The following DISC1 variants were observed in gnomAD, a reference collection of about 807,000 sequenced individuals.
DISC1 encodes the protein DISC1 scaffold protein, also known as disrupted in schizophrenia 1 protein.
A neutral mutation model predicts 84.5 loss-of-function variants in DISC1; 57 were observed. That is an observed-to-expected ratio of 0.67 (90% CI 0.55 to 0.84). The LOEUF (loss-of-function observed/expected upper bound fraction) is 0.84, where lower values mean the gene tolerates loss of function less well. Ranked by LOEUF, DISC1 falls within the 40% of genes least tolerant of loss-of-function variation. The probability of loss-of-function intolerance (pLI) is 0.00; values close to 1 mark genes in which losing one functional copy is unlikely to be tolerated. For missense variants in DISC1, 1,000 were observed against 1,057.8 expected (o/e 0.95, Z 0.76); for synonymous variants, 411 against 415.2 (o/e 0.99, Z 0.12).
chr1:231,827,454 A>G (rs1237413358), intron 9 of DISC1, among the ~76,000 whole-genome samples: 1 of 152,144 alleles, frequency 6.6e-6, no homozygotes, highest in Non-Finnish European at 1.5e-5. Context: ...TTGGTAAGAA[A>G]TATTTTGTTT....
Position 231,680,167 on chromosome 1 carries a change from G to A in DISC1, c.68-13659G>A, listed in dbSNP as rs561460441. Among the ~76,000 whole-genome samples, 10 of 152,336 alleles carry A rather than the reference G, an allele frequency of 6.6e-5. No homozygotes were observed. In the East Asian group the frequency reaches 1.9e-3, roughly 29 times the overall value. ...TGCTTGAACACAGGGGGCGGAGGCT[G>A]TAGTGAGCCGAGATCGTGCCACTGC... On this transcript the variant is annotated intron_variant, in intron 1 of 12. Transcript: ENST00000439617.
At chr1:231,669,610 A>T (rs1175688950) in intron 1 of DISC1, among the ~76,000 whole-genome samples, 1 of 152,236 alleles carries the variant, frequency 6.6e-6, no homozygotes, top group Non-Finnish European at 1.5e-5. Flanking sequence ...GCAGACAACA[A>T]TCATATGAAA....
chr1:231,711,261 T>TAA (rs2067788869), intron 3 of DISC1, among the ~76,000 whole-genome samples: 1 of 151,266 alleles, frequency 6.6e-6, no homozygotes, highest in Admixed American at 6.6e-5. Context: ...CTAGTTGGAA[T>TAA]AAAACATAAA....
At position 231,763,705 on chromosome 1, in the gene DISC1, C is replaced by T. The variant is rs544563650; in HGVS notation, c.1269-3435C>T. ...ACTCAGCAAGGGGGAAGAGTCTCCC[C>T]CAGCTTTAAAGTCTACCATCATTGG... On this transcript the variant is annotated intron_variant, in intron 4 of 12. Coordinates refer to ENST00000439617, the MANE Select transcript of DISC1 (RefSeq NM_018662.3). 1.4e-4 allele frequency among the ~76,000 whole-genome samples: 21 copies of T among 152,298 alleles called. No homozygotes were observed. The East Asian group carries it at 4.1e-3, about 29-fold the overall frequency.
chr1:231,725,024 G>A (rs1468225034), intron 3 of DISC1, among the ~76,000 whole-genome samples: 1 of 152,098 alleles, frequency 6.6e-6, no homozygotes, highest in Non-Finnish European at 1.5e-5. Flanking sequence ...TCTGTTTCCA[G>A]GATCAGTGAG....
chr1:231,777,021 T>C (rs1477114174), intron 6 of DISC1, among the ~76,000 whole-genome samples: 2 of 152,184 alleles, frequency 1.3e-5, no homozygotes, highest in Non-Finnish European at 2.9e-5. Flanking sequence ...AAGCTGCTTT[T>C]CCATTCGTGA....
intron 11 of DISC1, among the ~76,000 whole-genome samples, chr1:232,012,377 C>T (rs1184250339): frequency 6.6e-6 from 1 of 152,168 alleles, no homozygotes; most frequent in Non-Finnish European, 1.5e-5. Context: ...GGATTTTAGA[C>T]TACAGAAGGT....
At chr1:231,762,281 T>TTTC (rs2075797753) in intron 4 of DISC1, among the ~76,000 whole-genome samples, 4 of 127,156 alleles carry the variant, frequency 3.1e-5, no homozygotes, top group African/African-American at 1.2e-4. Flanking sequence ...CCTTTCCTTT[T>TTTC]CTTTTCTTTT....
At chr1:231,801,411 G>C (rs2079242852) in intron 8 of DISC1, among the ~76,000 whole-genome samples, 1 of 152,200 alleles carries the variant, frequency 6.6e-6, no homozygotes, top group Admixed American at 6.5e-5. Context: ...TATAATTCAG[G>C]CAGCAGAGAT....
At chr1:231,888,112 C>G (rs552672780) in intron 9 of DISC1, among the ~76,000 whole-genome samples, 1 of 152,274 alleles carries the variant, frequency 6.6e-6, no homozygotes, top group Admixed American at 6.5e-5. Context: ...AAGGATAAAT[C>G]CATGATGGGA....
chr1:231,858,399 A>G (rs1402409032), intron 9 of DISC1, among the ~76,000 whole-genome samples: 1 of 152,198 alleles, frequency 6.6e-6, no homozygotes, highest in Non-Finnish European at 1.5e-5. Context: ...TTCCATGTGG[A>G]TAAAACCAGT....
At chr1:231,711,361 T>C (rs12354376) in intron 3 of DISC1, among the ~76,000 whole-genome samples, 204 of 146,490 alleles carry the variant, frequency 1.4e-3, no homozygotes, top group African/African-American at 4.3e-3. Context: ...ATATTTCTTT[T>C]TTTTTTTTTT....
Position 232,031,278 on chromosome 1 carries a change from AAG to A in DISC1, c.2425+4728_2425+4729del, listed in dbSNP as rs905366173. Among the ~76,000 whole-genome samples the A allele has an allele frequency of 2.7e-4, 40 of 146,294 alleles. No individual in the cohort carries two copies. Among genetic ancestry groups the A allele is most frequent in the African/African-American group, 9.6e-4 (38 of 39,554 alleles). Reference sequence around the variant, plus strand: ...GGAGAAAGAAAGATAAAGAAAGAAAAAGAAAGAAAAGAGGAAGGAAGGAAGGA... The same window carrying A: ...GGAGAAAGAAAGATAAAGAAAGAAAAAAAGAAAAGAGGAAGGAAGGAAGGA... On this transcript the variant is annotated intron_variant, in intron 12 of 12. Transcript: ENST00000439617. This position sits in a 1 kb window ranked among gnomAD's most constrained non-coding sequence, Gnocchi z 4.6.
At chr1:231,967,030 G>C (rs1661211903) in intron 10 of DISC1, among the ~76,000 whole-genome samples, 1 of 152,228 alleles carries the variant, frequency 6.6e-6, no homozygotes, top group Non-Finnish European at 1.5e-5. Context: ...TTGAAATTTA[G>C]AGATTGATGT....
chr1:231,692,650 A>C (rs187451228), intron 1 of DISC1, among the ~76,000 whole-genome samples: 1 of 152,370 alleles, frequency 6.6e-6, no homozygotes, highest in Non-Finnish European at 1.5e-5. Context: ...GTATGATTAC[A>C]GCTGTGCCTA....
chr1:231,782,258 C>T (rs1421178109), intron 6 of DISC1, among the ~76,000 whole-genome samples: 17 of 152,182 alleles, frequency 1.1e-4, no homozygotes, highest in Non-Finnish European at 1.5e-5. Context: ...TTTTTTCCTA[C>T]TGTTAATTCA....
At position 231,897,070 on chromosome 1, in the gene DISC1, G is replaced by A. The variant is rs571557024; in HGVS notation, c.1982-61758G>A. ...CAACACCACAGCAGGAGTGAAGAAGGAGCTGGAAGGGGAAGGTGGGGATTC... is the reference window on the plus strand; with the variant it reads ...CAACACCACAGCAGGAGTGAAGAAGAAGCTGGAAGGGGAAGGTGGGGATTC... On this transcript the variant is annotated intron_variant, in intron 9 of 12. Transcript: ENST00000439617. The surrounding 1 kb of genome is among the most constrained non-coding windows in gnomAD (Gnocchi z 4.5). Among the ~76,000 whole-genome samples the A allele has an allele frequency of 6.6e-6, 1 of 152,338 alleles. No individual in the cohort carries two copies. The highest frequency in any genetic ancestry group is 2.1e-4 in the South Asian group (1 of 4,816).
chr1:231,666,309 G>GA lies in DISC1; in HGVS notation c.68-27497dup, dbSNP rs751745733. The stretch of plus-strand genomic sequence containing the variant: ...TTGTGTCATGTAGCTTTTGTCTCAG[G>GA]AAAAAAAAAAAAAAAAAAAAGCACA... On this transcript the variant is annotated intron_variant, in intron 1 of 12. Transcript: ENST00000439617. 4.4e-3 allele frequency among the ~76,000 whole-genome samples: 382 copies of GA among 87,214 alleles called. 2 individuals carry two copies. Among genetic ancestry groups the GA allele is most frequent in the Middle Eastern group, 0.023 (3 of 130 alleles). 57.2% of individuals were successfully genotyped at this position (87,214 alleles called of 152,430 possible).
At position 231,735,304 on chromosome 1, in the gene DISC1, G is replaced by A. The variant is rs34900985; in HGVS notation, c.1118-14622G>A. Reference sequence around the variant, plus strand: ...ACTTACTGCATACCATTCTATGAGTGGATATACCATAATTTACTTAACCAT... The same window carrying A: ...ACTTACTGCATACCATTCTATGAGTAGATATACCATAATTTACTTAACCAT... On this transcript the variant is annotated intron_variant, in intron 3 of 12. Transcript: ENST00000439617. Among the ~76,000 whole-genome samples, 697 of 152,244 alleles carry A rather than the reference G, an allele frequency of 4.6e-3. 5 individuals are homozygous for A. Among genetic ancestry groups the A allele is most frequent in the Non-Finnish European group, 6.9e-3 (472 of 68,026 alleles).
Sources: allele counts gnomAD v4.1 joint callset (sites outside exome capture counted in the v4.1 genomes callset), GRCh38; gene constraint gnomAD v4.1.1; non-coding constraint Gnocchi (gnomAD v3.1); transcripts MANE v1.5; gene names NCBI Gene and HGNC (gene_info 2026-07-23, HGNC 2026-07-21).